Variants in NTNG2 observed in about 807,000 individuals in gnomAD.
The protein encoded by NTNG2 is netrin G2.
A neutral mutation model predicts 47.6 loss-of-function variants in NTNG2; 15 were observed. The ratio of observed to expected loss-of-function variants is 0.32; its 90% CI spans 0.21 to 0.49. The LOEUF is 0.49. Ranked by LOEUF, NTNG2 falls within the 20% of genes least tolerant of loss-of-function variation. The pLI is 0.99. For missense variants in NTNG2, 578 were observed against 764.6 expected, an observed-to-expected ratio of 0.76 and a Z score of 2.88; for synonymous variants, 307 against 324.6, an observed-to-expected ratio of 0.95 and a Z score of 0.58.
At chr9:132,234,312 G>A (rs1301934408) in intron 5 of NTNG2, among the ~76,000 whole-genome samples, 2 of 152,236 alleles carry the variant, frequency 1.3e-5, no homozygotes, top group Non-Finnish European at 2.9e-5. Flanking sequence ...CCAGGCGTGA[G>A]CCACCGCACC....
intron 2 of NTNG2, among the ~76,000 whole-genome samples, chr9:132,178,369 C>T (rs7039329): frequency 0.22 from 33,584 of 152,080 alleles, 3,922 homozygotes; most frequent in African/African-American, 0.29. Context: ...TGTCCTCTTC[C>T]TTGTCCCACA....
rs1037409180 is a variant in NTNG2 at position 132,231,485 on chromosome 9, G to A, written c.1054+890G>A. 2.8e-6 allele frequency: 1 copy of A among 358,524 alleles called. No individual in the cohort carries two copies. Among genetic ancestry groups the A allele is most frequent in the Non-Finnish European group, 5.5e-6 (1 of 181,558 alleles). The allele number at this position is 358,524 out of a possible 1,614,324, so 22.2% of individuals were successfully genotyped here. Reference sequence around the variant, plus strand: ...CCAAGTTGTCCCTCCCGGACCCAGGGGGCCCCTGGCTGGGAAGCCAGTGAG... The same window carrying A: ...CCAAGTTGTCCCTCCCGGACCCAGGAGGCCCCTGGCTGGGAAGCCAGTGAG... On this transcript the variant is annotated intron_variant, in intron 5 of 7. Coordinates refer to ENST00000393229, the MANE Select transcript of NTNG2 (RefSeq NM_032536.4). This position sits in a 1 kb window ranked among gnomAD's most constrained non-coding sequence, Gnocchi z 4.1.
At chr9:132,191,095 T>A (rs1246761776) in intron 2 of NTNG2, among the ~76,000 whole-genome samples, 1 of 152,178 alleles carries the variant, frequency 6.6e-6, no homozygotes, top group African/African-American at 2.4e-5. Flanking sequence ...AGCACCTGCC[T>A]CCTGTGGGTT....
chr9:132,217,405 G>A (rs1295264756), intron 3 of NTNG2, among the ~76,000 whole-genome samples: 1 of 152,156 alleles, frequency 6.6e-6, no homozygotes, highest in African/African-American at 2.4e-5. Flanking sequence ...GTCTATCCAA[G>A]AGCCAGCACA....
In NTNG2 at chr9:132,167,963, A is replaced by G. The variant is rs148031459; in HGVS notation, c.213+919A>G. ...GTTCTGTCATCTGCAAAATGGGCAC[A>G]CTAAGAGCACACACTCCTAGGGTCA... On this transcript the variant is annotated intron_variant, in intron 2 of 7. Transcript: ENST00000393229. Among the ~76,000 whole-genome samples, 588 of 152,256 alleles carry G rather than the reference A, an allele frequency of 3.9e-3. 6 individuals are homozygous for G. Among genetic ancestry groups the G allele is most frequent in the African/African-American group, 0.013 (556 of 41,530 alleles).
chr9:132,233,904 G>A (rs531292808), intron 5 of NTNG2: 2 of 152,258 alleles, frequency 1.3e-5, no homozygotes, highest in East Asian at 3.9e-4. Context: ...AGAAAAAAGG[G>A]GCAGCTGCTC....
rs1841630706 is a variant in NTNG2, at chr9:132,236,410, C to T, written c.1055-2694C>T. Among the ~76,000 whole-genome samples, 1 of 152,202 alleles carries T rather than the reference C, an allele frequency of 6.6e-6. No individual in the cohort carries two copies. The highest frequency in any genetic ancestry group is 2.4e-5 in the African/African-American group (1 of 41,448). On this transcript the variant is annotated intron_variant, in intron 5 of 7. Coordinates refer to ENST00000393229, the MANE Select transcript of NTNG2 (RefSeq NM_032536.4). The surrounding 1 kb of genome is among the most constrained non-coding windows in gnomAD (Gnocchi z 4.3). The stretch of plus-strand genomic sequence containing the variant: ...GAAACGCGCAGGCCTGCCCGACTCT[C>T]CAGAAGGGAAATTGTCCCTGGCCCC...
chr9:132,173,811 G>A (rs894237532), intron 2 of NTNG2, among the ~76,000 whole-genome samples: 4 of 150,046 alleles, frequency 2.7e-5, no homozygotes, highest in East Asian at 3.9e-4. Context: ...ACGGACGGAC[G>A]GACAGACAGG....
chr9:132,171,354 C>G (rs1283604916), intron 2 of NTNG2, among the ~76,000 whole-genome samples: 1 of 152,208 alleles, frequency 6.6e-6, no homozygotes, highest in Non-Finnish European at 1.5e-5. Flanking sequence ...ACGCCTCTCA[C>G]AACATAACAG....
intron 2 of NTNG2, among the ~76,000 whole-genome samples, chr9:132,195,474 ATTTTTTTTTTTTT>A (rs56733654): frequency 1.2e-5 from 1 of 80,118 alleles, no homozygotes; most frequent in African/African-American, 5.1e-5. Flanking sequence ...ACGCCTGGCT[ATTTTTTTTTTTTT>A]TTTTTTTTTT....
chr9:132,229,403 C>T (rs983581802), intron 4 of NTNG2, among the ~76,000 whole-genome samples: 19 of 152,270 alleles, frequency 1.2e-4, no homozygotes, highest in African/African-American at 4.6e-4. Context: ...TCCATCCGCT[C>T]CAAGTCTCTC....
chr9:132,162,737 C>T lies in NTNG2; in HGVS notation c.-484+498C>T, dbSNP rs1282628809. On this transcript the variant is annotated intron_variant, in intron 1 of 7. Coordinates refer to ENST00000393229, the MANE Select transcript of NTNG2 (RefSeq NM_032536.4). The surrounding 1 kb of genome is among the most constrained non-coding windows in gnomAD (Gnocchi z 4.6). ...CGCTTAGAGCCACCCCCATCCCGTG[C>T]CCTCCCATCTCTCTGCAAACTGGGA... Among the ~76,000 whole-genome samples the T allele has an allele frequency of 6.6e-6, 1 of 151,954 alleles. No individual in the cohort carries two copies. The highest frequency in any genetic ancestry group is 2.4e-5 in the African/African-American group (1 of 41,348).
At chr9:132,228,300 G>A (rs1447194197) in intron 4 of NTNG2, among the ~76,000 whole-genome samples, 2 of 152,238 alleles carry the variant, frequency 1.3e-5, no homozygotes, top group African/African-American at 2.4e-5. Context: ...TTGAAGGGGT[G>A]ACTTGGCAGG....
In NTNG2 at chr9:132,244,001, GATAAA is replaced by G. The variant is rs2131080581; in HGVS notation, c.*1897_*1901del. Reference sequence around the variant, plus strand: ...CACTGCCTGGGACCCAAAGTGCCCAGATAAAATAAAACACCTCTCTGGGGCTTCTT... The same window carrying G: ...CACTGCCTGGGACCCAAAGTGCCCAGATAAAACACCTCTCTGGGGCTTCTT... On this transcript the variant is annotated 3_prime_UTR_variant, in exon 8 of 8. Coordinates refer to ENST00000393229, the MANE Select transcript of NTNG2 (RefSeq NM_032536.4). The G allele has an allele frequency of 6.6e-6, 1 of 152,420 alleles. No individual in the cohort carries two copies. The highest frequency in any genetic ancestry group is 2.1e-4 in the South Asian group (1 of 4,820). The allele number at this position is 152,420 out of a possible 1,614,324, so 9.4% of individuals were successfully genotyped here. A position where few individuals can be genotyped will look rare whatever the true frequency, so the allele number is the denominator to read the frequency against.
rs1486556137 is a variant in NTNG2, at chr9:132,236,391, C to T, written c.1055-2713C>T. Among the ~76,000 whole-genome samples, 2 of 152,166 alleles carry T rather than the reference C, an allele frequency of 1.3e-5. No homozygotes were observed. The highest frequency in any genetic ancestry group is 2.4e-5 in the African/African-American group (1 of 41,428). ...CATAGACAGACATGCCAAGGAAACGCGCAGGCCTGCCCGACTCTCCAGAAG... is the reference window on the plus strand; with the variant it reads ...CATAGACAGACATGCCAAGGAAACGTGCAGGCCTGCCCGACTCTCCAGAAG... On this transcript the variant is annotated intron_variant, in intron 5 of 7. Transcript: ENST00000393229. This position sits in a 1 kb window ranked among gnomAD's most constrained non-coding sequence, Gnocchi z 4.3.
chr9:132,178,573 C>T (rs1382273589), intron 2 of NTNG2, among the ~76,000 whole-genome samples: 1 of 151,976 alleles, frequency 6.6e-6, no homozygotes, highest in Non-Finnish European at 1.5e-5. Context: ...CTGGTGTCCC[C>T]CTACCCTGCC....
intron 3 of NTNG2, among the ~76,000 whole-genome samples, chr9:132,203,017 C>A (rs1468287339): frequency 6.6e-6 from 1 of 152,208 alleles, no homozygotes; most frequent in Non-Finnish European, 1.5e-5. Flanking sequence ...TGTCTCATTC[C>A]TCTGGTTAGA....
intron 3 of NTNG2, among the ~76,000 whole-genome samples, chr9:132,212,012 A>T (rs1839626856): frequency 6.6e-6 from 1 of 152,242 alleles, no homozygotes; most frequent in Admixed American, 6.5e-5. Flanking sequence ...AACTCTTTCC[A>T]GAGAAGAAAG....
intron 5 of NTNG2, 85 bp downstream of exon 5, chr9:132,230,680 G>A (rs1002608138): frequency 4.2e-5 from 61 of 1,440,760 alleles, no homozygotes; most frequent in Non-Finnish European, 5.8e-5. Context: ...AGAGAAAAAA[G>A]GGGCTTCAGT....
Sources: gnomAD v4.1 joint callset for allele counts (sites outside exome capture counted in the v4.1 genomes callset) on GRCh38, gnomAD v4.1.1 for gene constraint, Gnocchi (gnomAD v3.1) non-coding constraint, MANE v1.5 for transcripts, NCBI Gene and HGNC (gene_info 2026-07-23, HGNC 2026-07-21) for gene names.